The following CNBD1 variants were observed in gnomAD, a reference collection of about 807,000 sequenced individuals.
The protein encoded by CNBD1 is cyclic nucleotide binding domain containing 1, also known as cyclic nucleotide-binding domain-containing protein 1.
In CNBD1, 71 loss-of-function variants were observed where a neutral mutation model predicts 54.4. That is an observed-to-expected ratio of 1.30 (90% CI 1.08 to 1.59). The LOEUF (loss-of-function observed/expected upper bound fraction) is 1.59. Ranked by LOEUF, CNBD1 falls within the 40% of genes most tolerant of loss-of-function variation. CNBD1 has a pLI of 0.00. For synonymous variants in CNBD1, 182 were observed against 170.7 expected, an observed-to-expected ratio of 1.07 and a Z score of -0.51; for missense variants, 659 against 518.0, an observed-to-expected ratio of 1.27 and a Z score of -2.64.
intron 5 of CNBD1, among the ~76,000 whole-genome samples, chr8:87,214,879 G>T (rs1215147643): frequency 2.0e-5 from 3 of 152,060 alleles, no homozygotes; most frequent in African/African-American, 7.2e-5. Flanking sequence ...TCTCCCACCT[G>T]GTCCCTCCCA....
chr8:86,978,183 A>G (rs1390159720), intron 4 of CNBD1, among the ~76,000 whole-genome samples: 1 of 152,062 alleles, frequency 6.6e-6, no homozygotes, highest in African/African-American at 2.4e-5. Flanking sequence ...CTTATATTTT[A>G]GTAAATAATT....
chr8:87,088,392 T>C (rs1167994800), intron 4 of CNBD1, among the ~76,000 whole-genome samples: 1 of 152,216 alleles, frequency 6.6e-6, no homozygotes, highest in African/African-American at 2.4e-5. Context: ...TATTTTGGTA[T>C]ATCTGTGTGA....
At chr8:87,008,297 G>A (rs1563856233) in intron 4 of CNBD1, among the ~76,000 whole-genome samples, 1 of 152,098 alleles carries the variant, frequency 6.6e-6, no homozygotes, top group Non-Finnish European at 1.5e-5. Context: ...ATGCTTTAGT[G>A]TTCTGTAAGT....
intron 4 of CNBD1, among the ~76,000 whole-genome samples, chr8:86,990,943 G>T (rs1413893142): frequency 6.6e-6 from 1 of 151,840 alleles, no homozygotes; most frequent in Non-Finnish European, 1.5e-5. Context: ...TTTATGTGTG[G>T]CTATTGTACA....
chr8:87,198,793 T>C (rs1586323882), intron 4 of CNBD1, among the ~76,000 whole-genome samples: 1 of 152,228 alleles, frequency 6.6e-6, no homozygotes, highest in Admixed American at 6.5e-5. Flanking sequence ...AAAGTATGAC[T>C]GTATTAGGCC....
chr8:86,874,632 AAATT>A (rs1808488480), intron 1 of CNBD1, among the ~76,000 whole-genome samples: 1 of 152,158 alleles, frequency 6.6e-6, no homozygotes, highest in Non-Finnish European at 1.5e-5. Flanking sequence ...TAAAAAATAA[AAATT>A]AAATATAGGA....
At chr8:87,259,601 T>A (rs1808093860) in intron 6 of CNBD1, among the ~76,000 whole-genome samples, 1 of 152,252 alleles carries the variant, frequency 6.6e-6, no homozygotes, top group South Asian at 2.1e-4. Context: ...AGCACTTTTT[T>A]ATATAAACAT....
chr8:87,428,170 GA>G (rs1199045159), intron 2 of CNBD1, among the ~76,000 whole-genome samples: 1 of 150,764 alleles, frequency 6.6e-6, no homozygotes, highest in Non-Finnish European at 1.5e-5. Context: ...AAAAAAGTCA[GA>G]AAAACAAAAA....
chr8:87,143,053 T>G (rs1009722523), intron 4 of CNBD1, among the ~76,000 whole-genome samples: 1 of 152,182 alleles, frequency 6.6e-6, no homozygotes, highest in Non-Finnish European at 1.5e-5. Context: ...TCAAACCGTT[T>G]AATTACTTGG....
At chr8:87,044,223 G>GT (rs1483919343) in intron 4 of CNBD1, among the ~76,000 whole-genome samples, 7 of 148,962 alleles carry the variant, frequency 4.7e-5, no homozygotes, top group Admixed American at 2.0e-4. Context: ...TTTTTTTTTT[G>GT]TTTTTTTGCA....
intron 2 of CNBD1, among the ~76,000 whole-genome samples, chr8:87,416,185 C>G (rs1807830872): frequency 6.6e-6 from 1 of 151,824 alleles, no homozygotes; most frequent in Non-Finnish European, 1.5e-5. Context: ...AAAAAATCCA[C>G]AATTCTAATC....
chr8:87,228,116 A>G (rs954844066), intron 5 of CNBD1, among the ~76,000 whole-genome samples: 8 of 150,612 alleles, frequency 5.3e-5, no homozygotes, highest in African/African-American at 2.0e-4. Flanking sequence ...ACTTCTCTGT[A>G]TTGGTTATTC....
At chr8:87,266,421 T>TAAAAA (rs541109611) in intron 6 of CNBD1, among the ~76,000 whole-genome samples, 3 of 72,840 alleles carry the variant, frequency 4.1e-5, no homozygotes, top group African/African-American at 1.7e-4. Context: ...GAGGTCCAAG[T>TAAAAA]AAAAAAAAAA....
At chr8:87,027,931 G>A (rs959674500) in intron 4 of CNBD1, among the ~76,000 whole-genome samples, 1 of 152,146 alleles carries the variant, frequency 6.6e-6, no homozygotes, top group African/African-American at 2.4e-5. Flanking sequence ...CTCTCTCTCA[G>A]TTGGGCCTGA....
intron 4 of CNBD1, among the ~76,000 whole-genome samples, chr8:86,982,383 A>C (rs1201632473): frequency 6.6e-6 from 1 of 152,138 alleles, no homozygotes; most frequent in Non-Finnish European, 1.5e-5. Flanking sequence ...TATGTCACAA[A>C]ATTTTCTCTT....
intron 4 of CNBD1, among the ~76,000 whole-genome samples, chr8:87,075,126 C>T (rs939033253): frequency 6.6e-6 from 1 of 152,088 alleles, no homozygotes; most frequent in African/African-American, 2.4e-5. Context: ...ACATAGTGAG[C>T]ATATATGAAG....
chr8:87,237,723 C>G (rs947275175), intron 6 of CNBD1, among the ~76,000 whole-genome samples: 1 of 151,986 alleles, frequency 6.6e-6, no homozygotes, highest in African/African-American at 2.4e-5. Flanking sequence ...TTAGGGTGAT[C>G]AAGATGTTCA....
chr8:87,199,461 A>G (rs936584620), intron 4 of CNBD1, among the ~76,000 whole-genome samples: 4 of 152,182 alleles, frequency 2.6e-5, no homozygotes. Flanking sequence ...GCCATTACCA[A>G]AATCTATGCT....
chr8:87,135,067 TC>T (rs1466890538), intron 4 of CNBD1, among the ~76,000 whole-genome samples: 1 of 152,162 alleles, frequency 6.6e-6, no homozygotes, highest in Non-Finnish European at 1.5e-5. Flanking sequence ...TGATGTTTAT[TC>T]CAGTACGTAA....
Sources: allele counts gnomAD v4.1 joint callset (sites outside exome capture counted in the v4.1 genomes callset), GRCh38; gene constraint gnomAD v4.1.1; transcripts MANE v1.5; gene names NCBI Gene and HGNC (gene_info 2026-07-23, HGNC 2026-07-21).